CNTNAP2: variants seen among roughly 807,000 people sequenced by gnomAD.
CNTNAP2 encodes the protein contactin associated protein 2, also known as contactin-associated protein-like 2.
In CNTNAP2, 98 loss-of-function variants were observed where a neutral mutation model predicts 155.2. The observed-to-expected ratio is 0.63, with a 90% confidence interval of 0.54 to 0.75. The LOEUF (loss-of-function observed/expected upper bound fraction) is 0.75. Among genes scored for constraint, CNTNAP2 ranks in the 30% least tolerant of loss-of-function variants. CNTNAP2 has a pLI of 0.00. For missense variants in CNTNAP2, 1,727 were observed against 1,688.1 expected (o/e 1.02, Z -0.40); for synonymous variants, 651 against 631.2 (o/e 1.03, Z -0.47).
intron 1 of CNTNAP2, among the ~76,000 whole-genome samples, chr7:146,258,799 A>G (rs1225569919): frequency 6.6e-6 from 1 of 152,228 alleles, no homozygotes; most frequent in Non-Finnish European, 1.5e-5. Flanking sequence ...TCCTAGCTGC[A>G]TAATCTGAGA....
In CNTNAP2 at chr7:148,415,620, GTGGCTACT is replaced by G; in HGVS notation, c.*11_*18del. 1.2e-6 allele frequency: 2 copies of G among 1,614,160 alleles called. No homozygotes were observed. The highest frequency in any genetic ancestry group is 1.7e-6 in the Non-Finnish European group (2 of 1,180,010). ...CAAAAAGGAATGGCTCATTTGAGGG[GTGGCTACT>G]TGGCTATGGGATAGGGAGGAGGGAA... On this transcript the variant is annotated 3_prime_UTR_variant, in exon 24 of 24. Transcript: ENST00000361727.
chr7:147,990,670 C>T lies in CNTNAP2; in HGVS notation c.2383+12681C>T, dbSNP rs182654222. Among the ~76,000 whole-genome samples, 24 of 149,810 alleles carry T rather than the reference C, an allele frequency of 1.6e-4. No individual in the cohort carries two copies. The East Asian group carries it at 2.9e-3, about 18-fold the overall frequency. Reference sequence around the variant, plus strand: ...TAGCCTGATGCCCTTTGGACTTAGGCGATTTTTTTATCAAGGGGAACTTTA... The same window carrying T: ...TAGCCTGATGCCCTTTGGACTTAGGTGATTTTTTTATCAAGGGGAACTTTA... On this transcript the variant is annotated intron_variant, in intron 15 of 23. Transcript: ENST00000361727.
chr7:146,140,274 C>T (rs1040685968), intron 1 of CNTNAP2, among the ~76,000 whole-genome samples: 1 of 152,086 alleles, frequency 6.6e-6, no homozygotes, highest in Admixed American at 6.6e-5. Flanking sequence ...GGTTCTTGCA[C>T]AGTCCCAGGG....
intron 15 of CNTNAP2, among the ~76,000 whole-genome samples, chr7:148,004,139 A>G (rs1245759912): frequency 6.6e-6 from 1 of 152,200 alleles, no homozygotes; most frequent in Non-Finnish European, 1.5e-5. Context: ...TAATAAGTAT[A>G]CAAAATCTTT....
At chr7:147,154,117 A>G (rs1801878014) in intron 8 of CNTNAP2, among the ~76,000 whole-genome samples, 1 of 152,156 alleles carries the variant, frequency 6.6e-6, no homozygotes, top group South Asian at 2.1e-4. Context: ...CACAAAAAAA[A>G]AGAAGAATAA....
intron 1 of CNTNAP2, among the ~76,000 whole-genome samples, chr7:146,178,021 C>CTTTATT (rs909149394): frequency 6.6e-5 from 10 of 152,032 alleles, no homozygotes; most frequent in African/African-American, 2.2e-4. Context: ...GGAACATATT[C>CTTTATT]TTTATTTTTA....
At chr7:147,774,031 G>A (rs77788966) in intron 13 of CNTNAP2, among the ~76,000 whole-genome samples, 2,646 of 152,006 alleles carry the variant, frequency 0.017, 39 homozygotes, top group Middle Eastern at 0.044. Flanking sequence ...TGCTTGGTAC[G>A]TTCTCTTCTC....
chr7:146,774,361 C>T lies in CNTNAP2; in HGVS notation c.188C>T (p.Ala63Val). The T allele has an allele frequency of 1.2e-6, 2 of 1,613,644 alleles. No individual in the cohort carries two copies. The highest frequency in any genetic ancestry group is 1.7e-6 in the Non-Finnish European group (2 of 1,179,816). ...TCTGGTAGCTATTCTCCCGGCTATGCCAAGATAAACAAGAGAGGAGGTAAG... is the reference window on the plus strand; with the variant it reads ...TCTGGTAGCTATTCTCCCGGCTATGTCAAGATAAACAAGAGAGGAGGTAAG... Reference protein sequence around the residue: ...SISGSYSPGYAKINKRGGAGG... With the variant: ...SISGSYSPGYVKINKRGGAGG... Residue 63 changes from alanine (A) to valine (V), a missense_variant, in exon 2 of 24, where the codon GCC (alanine) becomes GTC (valine). Transcript: ENST00000361727.
chr7:147,724,840 T>C (rs1032050022), intron 13 of CNTNAP2, among the ~76,000 whole-genome samples: 2 of 151,576 alleles, frequency 1.3e-5, no homozygotes, highest in African/African-American at 4.8e-5. Context: ...TCAAACTAGA[T>C]GCCACTACTG....
chr7:146,651,854 G>A (rs770433995), intron 1 of CNTNAP2, among the ~76,000 whole-genome samples: 1 of 152,138 alleles, frequency 6.6e-6, no homozygotes, highest in Non-Finnish European at 1.5e-5. Context: ...GTCTGTCACA[G>A]TAAAGTATCT....
intron 1 of CNTNAP2, among the ~76,000 whole-genome samples, chr7:146,458,574 A>G (rs796760414): frequency 2.4e-4 from 36 of 152,306 alleles, no homozygotes; most frequent in African/African-American, 8.4e-4. Flanking sequence ...TCCTATACAC[A>G]TACATATACA....
intron 3 of CNTNAP2, among the ~76,000 whole-genome samples, chr7:146,992,326 A>G (rs1424388714): frequency 1.3e-5 from 2 of 151,652 alleles, no homozygotes; most frequent in Non-Finnish European, 2.9e-5. Flanking sequence ...TGCCAGGTCA[A>G]GTATTATAAA....
intron 13 of CNTNAP2, among the ~76,000 whole-genome samples, chr7:147,797,581 A>T (rs1007232199): frequency 1.3e-5 from 2 of 152,168 alleles, no homozygotes; most frequent in African/African-American, 4.8e-5. Context: ...TAAGTTTTAG[A>T]AACACAAAGT....
At chr7:147,141,278 C>T (rs1801589306) in intron 8 of CNTNAP2, among the ~76,000 whole-genome samples, 1 of 152,112 alleles carries the variant, frequency 6.6e-6, no homozygotes, top group Admixed American at 6.6e-5. Context: ...TATCTCTTTA[C>T]CCTAATTCAA....
chr7:147,496,159 A>G (rs1798704231), intron 11 of CNTNAP2, among the ~76,000 whole-genome samples: 1 of 151,330 alleles, frequency 6.6e-6, no homozygotes, highest in Non-Finnish European at 1.5e-5. Context: ...ATTCATCACA[A>G]TGTCATAATA....
intron 13 of CNTNAP2, among the ~76,000 whole-genome samples, chr7:147,854,835 G>C (rs1799010103): frequency 6.6e-6 from 1 of 152,138 alleles, no homozygotes; most frequent in Non-Finnish European, 1.5e-5. Context: ...TGGAACCTAA[G>C]TATAAATTAG....
intron 13 of CNTNAP2, among the ~76,000 whole-genome samples, chr7:147,780,827 G>A (rs967562156): frequency 1.6e-4 from 25 of 152,224 alleles, no homozygotes; most frequent in Non-Finnish European, 3.5e-4. Flanking sequence ...GCCTTAGGAA[G>A]TGTTTTGTTT....
At chr7:147,737,733 C>A (rs1322843648) in intron 13 of CNTNAP2, among the ~76,000 whole-genome samples, 1 of 152,216 alleles carries the variant, frequency 6.6e-6, no homozygotes, top group Non-Finnish European at 1.5e-5. Flanking sequence ...ACCCCTCCCC[C>A]AGCCTCGCTG....
At chr7:148,223,402 T>C (rs529283503) in intron 19 of CNTNAP2, among the ~76,000 whole-genome samples, 5 of 152,284 alleles carry the variant, frequency 3.3e-5, no homozygotes, top group Non-Finnish European at 7.4e-5. Flanking sequence ...CCTGTAAGTG[T>C]GTGCTGATGA....
Sources: allele counts gnomAD v4.1 joint callset (sites outside exome capture counted in the v4.1 genomes callset), GRCh38; gene constraint gnomAD v4.1.1; transcripts MANE v1.5; gene names NCBI Gene and HGNC (gene_info 2026-07-23, HGNC 2026-07-21).